RBMS2: variants seen among roughly 807,000 people sequenced by gnomAD.
RBMS2 encodes RNA binding motif single stranded interacting protein 2, also known as RNA-binding motif, single-stranded-interacting protein 2.
A neutral mutation model predicts 58.4 loss-of-function variants in RBMS2; 38 were observed. The ratio of observed to expected loss-of-function variants is 0.65; its 90% CI spans 0.50 to 0.85. The LOEUF (loss-of-function observed/expected upper bound fraction) is 0.85. Ranked by LOEUF, RBMS2 falls within the 40% of genes least tolerant of loss-of-function variation. RBMS2 has a pLI of 0.00. For missense variants in RBMS2, 367 were observed against 503.7 expected, an observed-to-expected ratio of 0.73 and a Z score of 2.60; for synonymous variants, 151 against 180.7, an observed-to-expected ratio of 0.84 and a Z score of 1.32.
chr12:56,543,716 C>T (rs530179842), intron 1 of RBMS2, among the ~76,000 whole-genome samples: 4 of 151,168 alleles, frequency 2.6e-5, no homozygotes, highest in Admixed American at 1.3e-4. Flanking sequence ...GGCTGGAGTG[C>T]GGTGGTGCAA....
intron 9 of RBMS2, 67 bp from the exon 10 acceptor site, chr12:56,586,772 TTTGTTGAACA>T: frequency 1.6e-6 from 2 of 1,283,260 alleles, no homozygotes; most frequent in Non-Finnish European, 2.2e-6. Context: ...TTTTCTGAGC[TTTGTTGAACA>T]TTATTAGATC....
intron 2 of RBMS2, among the ~76,000 whole-genome samples, chr12:56,566,424 C>T (rs759122188): frequency 6.6e-6 from 1 of 152,124 alleles, no homozygotes; most frequent in African/African-American, 2.4e-5. Context: ...TCTAGTGGAA[C>T]GCTTCTAATA....
chr12:56,563,484 T>G (rs1434135526), intron 2 of RBMS2, among the ~76,000 whole-genome samples: 4 of 152,162 alleles, frequency 2.6e-5, no homozygotes, highest in Non-Finnish European at 4.4e-5. Flanking sequence ...ATAGGAACAA[T>G]TATTCTGTAT....
At chr12:56,524,850 G>T (rs1250354872) in intron 1 of RBMS2, among the ~76,000 whole-genome samples, 2 of 151,722 alleles carry the variant, frequency 1.3e-5, no homozygotes, top group Non-Finnish European at 2.9e-5. Context: ...TTTCTGACTA[G>T]TTGGGATTAC....
chr12:56,588,319 A>G lies in RBMS2; in HGVS notation c.1088A>G (p.Gln363Arg). Reference protein sequence around the residue: ...GTYMPTAAAMQGAYISQYTPV... With the variant: ...GTYMPTAAAMRGAYISQYTPV... ...TATATGCCGACGGCTGCAGCTATGC[A>G]AGGAGCTTACATCTCCCAGTACACC... The change falls in exon 12 of 14, where the codon CAA becomes CGA. Residue 363 changes from glutamine to arginine, a missense_variant. Physicochemically the swap from Gln to Arg is conservative, Grantham distance 43. Around this residue, in one of 3 missense-constraint regions of RBMS2, gnomAD observed 220 missense variants for 261.1 expected, o/e 0.84. Coordinates refer to ENST00000262031, the MANE Select transcript of RBMS2 (RefSeq NM_002898.4). The G allele has an allele frequency of 6.2e-7, 1 of 1,613,962 alleles. No individual in the cohort carries two copies. The highest frequency in any genetic ancestry group is 2.2e-5 in the East Asian group (1 of 44,874).
At chr12:56,540,523 A>G (rs1035428534) in intron 1 of RBMS2, among the ~76,000 whole-genome samples, 2 of 152,046 alleles carry the variant, frequency 1.3e-5, no homozygotes, top group African/African-American at 2.4e-5. Context: ...ACAGGTGTAC[A>G]CTAACACACC....
chr12:56,572,257 G>A lies in RBMS2; in HGVS notation c.542+402G>A, dbSNP rs138355363. ...TGAGCTGAGATCGCACCACTGCACT[G>A]CAGCCTGGGGAACAGAGTGAGACTC... On this transcript the variant is annotated intron_variant, in intron 5 of 13. Transcript: ENST00000262031. Among the ~76,000 whole-genome samples, 903 of 142,948 alleles carry A rather than the reference G, an allele frequency of 6.3e-3. 13 individuals carry two copies. The highest frequency in any genetic ancestry group is 0.023 in the African/African-American group (862 of 38,126). 93.8% of individuals were successfully genotyped at this position (142,948 alleles called of 152,430 possible). A position where few individuals can be genotyped will look rare whatever the true frequency, so the allele number is the denominator to read the frequency against.
intron 4 of RBMS2, 144 bp from the exon 5 acceptor site, chr12:56,571,554 A>G (rs1882297550): frequency 1.2e-6 from 1 of 811,130 alleles, no homozygotes; most frequent in African/African-American, 1.8e-5. Context: ...TGGTAGTGGG[A>G]CTGGGTGTTA....
chr12:56,522,213 C>A, intron 1 of RBMS2, 124 bp downstream of exon 1: 2 of 729,048 alleles, frequency 2.7e-6, no homozygotes, highest in Admixed American at 2.9e-5. Flanking sequence ...CCTAATTCCT[C>A]ACCGCGCTTC....
intron 1 of RBMS2, among the ~76,000 whole-genome samples, chr12:56,548,537 A>AT (rs1877673237): frequency 6.6e-6 from 1 of 152,226 alleles, no homozygotes; most frequent in Non-Finnish European, 1.5e-5. Flanking sequence ...GTTACTTCTC[A>AT]GAGAAAGTGG....
At chr12:56,558,551 C>T in intron 1 of RBMS2, among the ~76,000 whole-genome samples, 1 of 123,076 alleles carries the variant, frequency 8.1e-6, no homozygotes, top group Non-Finnish European at 1.7e-5. Flanking sequence ...CTCCCTCCCT[C>T]CCTCCCTTCC....
chr12:56,553,562 A>G (rs1201646191), intron 1 of RBMS2, among the ~76,000 whole-genome samples: 1 of 151,950 alleles, frequency 6.6e-6, no homozygotes. Context: ...TCTTGACCTC[A>G]GGTGATCTGC....
intron 1 of RBMS2, among the ~76,000 whole-genome samples, chr12:56,556,333 C>T (rs1393747242): frequency 6.6e-6 from 1 of 151,358 alleles, no homozygotes; most frequent in African/African-American, 2.4e-5. Flanking sequence ...AAAAGTATGT[C>T]ACTGTAATCT....
chr12:56,554,646 T>C (rs1278221006), intron 1 of RBMS2, among the ~76,000 whole-genome samples: 3 of 152,132 alleles, frequency 2.0e-5, no homozygotes, highest in African/African-American at 7.2e-5. Flanking sequence ...GCTTAGTACC[T>C]AGGTGATGGG....
At chr12:56,571,616 T>C (rs1882308037) in intron 4 of RBMS2, 82 bp from the exon 5 acceptor site, 1 of 1,394,570 alleles carries the variant, frequency 7.2e-7, no homozygotes, top group African/African-American at 1.5e-5. Context: ...GTCTCTTTTC[T>C]GAAATGTCAT....
At position 56,587,536 on chromosome 12, in the gene RBMS2, C is replaced by T. The variant is rs1884839171; in HGVS notation, c.952-18C>T. On this transcript the variant is annotated intron_variant, in intron 10 of 13. Transcript: ENST00000262031. The stretch of plus-strand genomic sequence containing the variant: ...ACAGGATGCTGCAGCTAACCCTGTC[C>T]TTTGTTGCTGCCTCTAGGGTTCAGT... 6.2e-7 allele frequency: 1 copy of T among 1,611,752 alleles called. No individual in the cohort carries two copies. The highest frequency in any genetic ancestry group is 1.1e-5 in the South Asian group (1 of 90,678).
In RBMS2 at chr12:56,581,543, G is replaced by A. The variant is rs184459902; in HGVS notation, c.732+35G>A. ...CCTCTGAGGAGACAGGAGTACTAAC[G>A]ACATTAAAGTGGAACGGAAATGATC... On this transcript the variant is annotated intron_variant, in intron 7 of 13. Transcript: ENST00000262031. The A allele has an allele frequency of 2.4e-5, 38 of 1,571,812 alleles. No homozygotes were observed. In the Admixed American group the frequency reaches 4.4e-4, roughly 18 times the overall value.
chr12:56,537,168 A>C (rs1875062546), intron 1 of RBMS2, among the ~76,000 whole-genome samples: 1 of 151,304 alleles, frequency 6.6e-6, no homozygotes, highest in Non-Finnish European at 1.5e-5. Context: ...CAGTCCACTC[A>C]CCTCAGCCTC....
upstream of RBMS2, among the ~76,000 whole-genome samples, chr12:56,521,502 G>GTTTTTTTTTTTTTTTTTTTTTTTTTTTT (rs68129205): frequency 6.8e-5 from 5 of 73,158 alleles, no homozygotes; most frequent in African/African-American, 2.2e-4. Flanking sequence ...CTCTAACTCT[G>GTTTTTTTTTTTTTTTTTTTTTTTTTTTT]TTTTTTTTTT....
Sources: gnomAD v4.1 joint callset for allele counts (sites outside exome capture counted in the v4.1 genomes callset) on GRCh38, gnomAD v4.1.1 for gene constraint, gnomAD v4.1.1 regional missense constraint, MANE v1.5 for transcripts, NCBI Gene and HGNC (gene_info 2026-07-23, HGNC 2026-07-21) for gene names.